The following THSD7B variants were observed in gnomAD, a reference collection of about 807,000 sequenced individuals.
The protein encoded by THSD7B is thrombospondin type 1 domain containing 7B, also known as thrombospondin type-1 domain-containing protein 7B.
Under a neutral mutation model 213.6 loss-of-function variants are expected in THSD7B, and 138 were observed. That is an observed-to-expected ratio of 0.65 (90% confidence interval 0.56 to 0.74). The LOEUF is 0.74. THSD7B is among the 30% of genes least tolerant of loss of function. The pLI is 0.00. For synonymous variants in THSD7B, 742 were observed against 687.0 expected (o/e 1.08, Z -1.25); for missense variants, 1,931 against 1,991.5 (o/e 0.97, Z 0.58).
At chr2:137,112,772 C>CGTGT (rs112879754) in intron 4 of THSD7B, among the ~76,000 whole-genome samples, 5,775 of 149,362 alleles carry the variant, frequency 0.039, 182 homozygotes, top group East Asian at 0.12. Context: ...TGTTAATGTA[C>CGTGT]GTGTGTGTGT....
chr2:137,182,200 T>C (rs1470218452), intron 7 of THSD7B, among the ~76,000 whole-genome samples: 1 of 152,178 alleles, frequency 6.6e-6, no homozygotes, highest in Admixed American at 6.5e-5. Context: ...GGGCATTTGT[T>C]TATTGAGACA....
intron 7 of THSD7B, among the ~76,000 whole-genome samples, chr2:137,182,913 A>G (rs1453181123): frequency 6.6e-6 from 1 of 152,176 alleles, no homozygotes; most frequent in African/African-American, 2.4e-5. Flanking sequence ...TTTGATATAG[A>G]TGCTGATTTC....
chr2:137,638,571 C>G (rs781739921), intron 20 of THSD7B, among the ~76,000 whole-genome samples: 2 of 152,066 alleles, frequency 1.3e-5, no homozygotes, highest in Non-Finnish European at 2.9e-5. Context: ...TGAAAAGATA[C>G]CTGAAAATGT....
rs748810674 is a variant in THSD7B at position 137,160,304 on chromosome 2, A to AC, written c.1461_1462insC (p.Ser488LeufsTer12). On this transcript the variant is annotated frameshift_variant, in exon 6 of 28. Coordinates refer to ENST00000409968, the MANE Select transcript of THSD7B (RefSeq NM_001316349.2). LOFTEE classifies it high-confidence loss of function. ...TCCCTTGCTCTACGGACTGCATAGT[A>AC]TCTTCCTGGTCAGCCTGGGGCCTGT... 15 of 1,613,668 alleles carry AC rather than the reference A, an allele frequency of 9.3e-6. No individual in the cohort carries two copies. Among genetic ancestry groups the AC allele is most frequent in the Non-Finnish European group, 1.3e-5 (15 of 1,179,728 alleles).
At chr2:136,824,955 T>C (rs1682620792) in intron 1 of THSD7B, among the ~76,000 whole-genome samples, 1 of 152,222 alleles carries the variant, frequency 6.6e-6, no homozygotes, top group African/African-American at 2.4e-5. Context: ...ATATGAAAGA[T>C]TGCCTCTGAT....
At chr2:136,812,883 T>A (rs1478326082) in intron 1 of THSD7B, among the ~76,000 whole-genome samples, 1 of 152,198 alleles carries the variant, frequency 6.6e-6, no homozygotes, top group African/African-American at 2.4e-5. Flanking sequence ...GGTAGTAATC[T>A]TTGCTCTGAA....
At chr2:137,177,712 G>A (rs1330183936) in intron 7 of THSD7B, among the ~76,000 whole-genome samples, 4 of 152,154 alleles carry the variant, frequency 2.6e-5, no homozygotes, top group African/African-American at 9.7e-5. Flanking sequence ...CATAATGTTA[G>A]CATATAACAG....
intron 20 of THSD7B, among the ~76,000 whole-genome samples, chr2:137,641,150 C>A (rs1682930337): frequency 6.6e-6 from 1 of 152,164 alleles, no homozygotes; most frequent in Non-Finnish European, 1.5e-5. Context: ...GAATCTTTGA[C>A]ATCAACTAAA....
At chr2:137,642,436 C>T in intron 20 of THSD7B, 52 bp from the exon 21 acceptor site, 1 of 1,603,896 alleles carries the variant, frequency 6.2e-7, no homozygotes, top group Non-Finnish European at 8.5e-7. Flanking sequence ...TTCTTCAGGT[C>T]CCTTTCCAAG....
intron 1 of THSD7B, among the ~76,000 whole-genome samples, chr2:136,861,998 A>T (rs1310240184): frequency 6.6e-6 from 1 of 152,218 alleles, no homozygotes; most frequent in Non-Finnish European, 1.5e-5. Flanking sequence ...GTTCCTTGCC[A>T]TGTGGACTCT....
At chr2:137,471,460 G>A (rs752908653) in intron 15 of THSD7B, among the ~76,000 whole-genome samples, 2 of 151,956 alleles carry the variant, frequency 1.3e-5, no homozygotes, top group African/African-American at 2.4e-5. Flanking sequence ...GGGGTGGCAC[G>A]TGGTGCCATA....
intron 15 of THSD7B, among the ~76,000 whole-genome samples, chr2:137,454,424 GTCTATCTATCTA>G (rs57128305): frequency 0.019 from 2,641 of 140,180 alleles, 75 homozygotes; most frequent in African/African-American, 0.063. Flanking sequence ...CTGTCTGTCT[GTCTATCTATCTA>G]TCTATCTATC....
At chr2:137,084,598 A>G (rs989468930) in intron 3 of THSD7B, among the ~76,000 whole-genome samples, 1 of 152,176 alleles carries the variant, frequency 6.6e-6, no homozygotes, top group African/African-American at 2.4e-5. Context: ...AACCTAAGCC[A>G]CTTCTAAGCC....
chr2:137,468,649 G>C (rs1052314152), intron 15 of THSD7B, among the ~76,000 whole-genome samples: 1 of 96,910 alleles, frequency 1.0e-5, no homozygotes, highest in African/African-American at 3.8e-5. Flanking sequence ...GGGTGGGGGC[G>C]GTGGGTAGAA....
At chr2:137,312,486 T>G (rs1486625040) in intron 12 of THSD7B, among the ~76,000 whole-genome samples, 1 of 147,744 alleles carries the variant, frequency 6.8e-6, no homozygotes, top group Admixed American at 6.7e-5. Context: ...TTTTGAAGGG[T>G]TTTTTGTGTC....
At chr2:137,249,524 C>T (rs369229186) in intron 10 of THSD7B, among the ~76,000 whole-genome samples, 1 of 151,764 alleles carries the variant, frequency 6.6e-6, no homozygotes, top group Non-Finnish European at 1.5e-5. Flanking sequence ...TCCATTACTC[C>T]GTCTTCTTCC....
chr2:136,977,814 T>G (rs13394859), intron 2 of THSD7B, among the ~76,000 whole-genome samples: 3 of 140,858 alleles, frequency 2.1e-5, no homozygotes, highest in South Asian at 2.2e-4. Flanking sequence ...TTTTTTTTTT[T>G]TTTTTTTTAA....
intron 2 of THSD7B, among the ~76,000 whole-genome samples, chr2:136,934,961 A>G (rs1322213995): frequency 1.3e-5 from 2 of 152,164 alleles, no homozygotes; most frequent in Non-Finnish European, 2.9e-5. Flanking sequence ...ATAGTAATTT[A>G]TAATGCATTA....
chr2:137,418,865 T>C (rs986130257), intron 14 of THSD7B, among the ~76,000 whole-genome samples: 2 of 152,060 alleles, frequency 1.3e-5, no homozygotes, highest in Admixed American at 6.6e-5. Context: ...ATGACAGGAG[T>C]TCATTCTGTA....
Sources: allele counts gnomAD v4.1 joint callset (sites outside exome capture counted in the v4.1 genomes callset), GRCh38; gene constraint gnomAD v4.1.1; transcripts MANE v1.5; gene names NCBI Gene and HGNC (gene_info 2026-07-23, HGNC 2026-07-21).